Variants in BCAS3 observed in about 807,000 individuals in gnomAD.
The protein encoded by BCAS3 is BCAS3 microtubule associated cell migration factor.
BCAS3 carries 53 observed loss-of-function variants against 116.1 expected under a neutral mutation model. That is an observed-to-expected ratio of 0.46 (90% CI 0.37 to 0.57). The LOEUF is 0.57. Ranked by LOEUF, BCAS3 falls within the 20% of genes least tolerant of loss-of-function variation. The pLI is 0.00. For synonymous variants in BCAS3, 391 were observed against 408.2 expected (o/e 0.96, Z 0.51); for missense variants, 917 against 1,165.4 (o/e 0.79, Z 3.10).
chr17:60,732,643 A>G (rs948079244), intron 5 of BCAS3, among the ~76,000 whole-genome samples: 11 of 152,096 alleles, frequency 7.2e-5, no homozygotes, highest in African/African-American at 2.7e-4. Flanking sequence ...GATCAAGACC[A>G]TCCTGGCCAA....
rs1162942971 is a variant in BCAS3, at chr17:60,911,123, C to CTTTTTTTTTTTTTT, written c.993+425_993+438dup. Among the ~76,000 whole-genome samples the CTTTTTTTTTTTTTT allele has an allele frequency of 3.2e-3, 285 of 88,170 alleles. 10 individuals carry two copies. The highest frequency in any genetic ancestry group is 6.8e-3 in the African/African-American group (150 of 22,138). The allele number at this position is 88,170 out of a possible 152,430, so 57.8% of individuals were successfully genotyped here. A position where few individuals can be genotyped will look rare whatever the true frequency, so the allele number is the denominator to read the frequency against. On this transcript the variant is annotated intron_variant, in intron 12 of 23. Coordinates refer to ENST00000407086, the MANE Select transcript of BCAS3 (RefSeq NM_017679.5). ...AATAAATTTTTTTCTTTTTTTCTTTCTTTTTTTTTTTTTTTTTGAGATGGA... is the reference window on the plus strand; with the variant it reads ...AATAAATTTTTTTCTTTTTTTCTTTCTTTTTTTTTTTTTTTTTTTTTTTTTTTTTTTGAGATGGA...
chr17:61,278,430 C>T lies in BCAS3; in HGVS notation c.2426-89897C>T, dbSNP rs2050959713. 6.6e-6 allele frequency among the ~76,000 whole-genome samples: 1 copy of T among 152,194 alleles called. No individual in the cohort carries two copies. The highest frequency in any genetic ancestry group is 2.4e-5 in the African/African-American group (1 of 41,454). On this transcript the variant is annotated intron_variant, in intron 22 of 23. Transcript: ENST00000407086. The surrounding 1 kb of genome is among the most constrained non-coding windows in gnomAD (Gnocchi z 5.8). ...GCTCACATGATCCACCCACCTTGGC[C>T]TCCCACAGTGCTGGGTTTACAGGTG...
At position 60,962,885 on chromosome 17, in the gene BCAS3, C is replaced by T. The variant is rs912787601; in HGVS notation, c.1221+15533C>T. Among the ~76,000 whole-genome samples the T allele has an allele frequency of 1.3e-5, 2 of 152,152 alleles. No individual in the cohort carries two copies. The highest frequency in any genetic ancestry group is 2.9e-5 in the Non-Finnish European group (2 of 68,016). On this transcript the variant is annotated intron_variant, in intron 14 of 23. Coordinates refer to ENST00000407086, the MANE Select transcript of BCAS3 (RefSeq NM_017679.5). This position sits in a 1 kb window ranked among gnomAD's most constrained non-coding sequence, Gnocchi z 4.4. The stretch of plus-strand genomic sequence containing the variant: ...TTCATAGTTTGAGGTCTTAGATTTA[C>T]GTCTTTAATCGATTTTGATTTGATT...
At chr17:61,172,641 A>G (rs2078910326) in intron 22 of BCAS3, among the ~76,000 whole-genome samples, 1 of 150,588 alleles carries the variant, frequency 6.6e-6, no homozygotes, top group Non-Finnish European at 1.5e-5. Context: ...CGTCTCAAAA[A>G]ATAATAATGA....
intron 22 of BCAS3, among the ~76,000 whole-genome samples, chr17:61,125,984 C>G (rs1020062630): frequency 6.6e-6 from 1 of 152,188 alleles, no homozygotes; most frequent in South Asian, 2.1e-4. Context: ...TTAAAATTTA[C>G]GATTTCTTCT....
At position 60,990,368 on chromosome 17, in the gene BCAS3, T is replaced by G. The variant is rs2063447367; in HGVS notation, c.1486+133T>G. 1.1e-6 allele frequency: 1 copy of G among 932,052 alleles called. No homozygotes were observed. The highest frequency in any genetic ancestry group is 1.5e-6 in the Non-Finnish European group (1 of 650,286). The allele number at this position is 932,052 out of a possible 1,614,324, so 57.7% of individuals were successfully genotyped here. On this transcript the variant is annotated intron_variant, in intron 15 of 23. Transcript: ENST00000407086. The surrounding 1 kb of genome is among the most constrained non-coding windows in gnomAD (Gnocchi z 5.1). ...AAGATCTTAGGCTTATATGAAATTC[T>G]TAATTATTAAATAATTTAATAAATT...
chr17:60,810,369 G>T, intron 7 of BCAS3: 1 of 441,648 alleles, frequency 2.3e-6, no homozygotes, highest in Admixed American at 2.9e-5. Flanking sequence ...TGGGGATGGC[G>T]GGGGGTCTGG....
rs548221116 is a variant in BCAS3 at position 61,363,522 on chromosome 17, C to A, written c.2426-4805C>A. 6.6e-6 allele frequency among the ~76,000 whole-genome samples: 1 copy of A among 151,994 alleles called. No homozygotes were observed. The highest frequency in any genetic ancestry group is 6.5e-5 in the Admixed American group (1 of 15,270). Reference sequence around the variant, plus strand: ...TATACAATGGTGATCATTGTTGCTTCCCATAGTTTGGTGAAGTCACATAAG... The same window carrying A: ...TATACAATGGTGATCATTGTTGCTTACCATAGTTTGGTGAAGTCACATAAG... On this transcript the variant is annotated intron_variant, in intron 22 of 23. Coordinates refer to ENST00000407086, the MANE Select transcript of BCAS3 (RefSeq NM_017679.5). This position sits in a 1 kb window ranked among gnomAD's most constrained non-coding sequence, Gnocchi z 4.9.
intron 5 of BCAS3, among the ~76,000 whole-genome samples, chr17:60,722,206 AT>A (rs1331847761): frequency 6.6e-6 from 1 of 152,190 alleles, no homozygotes; most frequent in Non-Finnish European, 1.5e-5. Context: ...AAAAATGGTA[AT>A]TTTTGGTGTA....
At chr17:60,943,230 G>A (rs911754884) in intron 13 of BCAS3, among the ~76,000 whole-genome samples, 1 of 151,976 alleles carries the variant, frequency 6.6e-6, no homozygotes, top group Admixed American at 6.6e-5. Context: ...TAATAAATTG[G>A]TAGACCTAAG....
chr17:60,716,393 A>G (rs992815224), intron 5 of BCAS3, among the ~76,000 whole-genome samples: 1 of 152,228 alleles, frequency 6.6e-6, no homozygotes, highest in South Asian at 2.1e-4. Context: ...GGAACAATAA[A>G]CACTAAACAG....
At chr17:60,828,796 A>G (rs2050657097) in intron 7 of BCAS3, among the ~76,000 whole-genome samples, 1 of 152,092 alleles carries the variant, frequency 6.6e-6, no homozygotes, top group South Asian at 2.1e-4. Flanking sequence ...ATGGGTATCT[A>G]TTATGTGTCA....
At chr17:61,062,572 C>T (rs1019103654) in intron 19 of BCAS3, among the ~76,000 whole-genome samples, 3 of 152,030 alleles carry the variant, frequency 2.0e-5, no homozygotes, top group Admixed American at 1.3e-4. Flanking sequence ...TAGTAGAACA[C>T]ATTAAGTAGA....
intron 7 of BCAS3, chr17:60,811,072 G>A (rs1056095041): frequency 5.4e-5 from 34 of 634,942 alleles, no homozygotes; most frequent in African/African-American, 3.8e-4. Context: ...GAGACGTACA[G>A]TCCAGTTCTT....
chr17:60,700,266 T>C (rs1348560436), intron 4 of BCAS3, among the ~76,000 whole-genome samples: 1 of 152,018 alleles, frequency 6.6e-6, no homozygotes, highest in Non-Finnish European at 1.5e-5. Flanking sequence ...GTAGCTGTTG[T>C]AGCTTAGACA....
chr17:61,146,116 T>TG (rs1229116495), intron 22 of BCAS3, among the ~76,000 whole-genome samples: 6 of 150,964 alleles, frequency 4.0e-5, no homozygotes, highest in South Asian at 2.1e-4. Flanking sequence ...GTTTTTTGTT[T>TG]TTTTTTTTTT....
intron 14 of BCAS3, among the ~76,000 whole-genome samples, chr17:60,950,142 A>G (rs1029161649): frequency 5.3e-5 from 8 of 151,994 alleles, no homozygotes; most frequent in Non-Finnish European, 1.5e-5. Context: ...ATTATTAGAT[A>G]TTATATAGAT....
At position 61,326,372 on chromosome 17, in the gene BCAS3, G is replaced by C. The variant is rs747779044; in HGVS notation, c.2426-41955G>C. Among the ~76,000 whole-genome samples, 3 of 152,186 alleles carry C rather than the reference G, an allele frequency of 2.0e-5. No homozygotes were observed. The highest frequency in any genetic ancestry group is 1.3e-4 in the Admixed American group (2 of 15,286). ...CAGCACCTAAGCGGGACAATAGCCT[G>C]GGGTGACTGTGGGGTCTTGCTGCTC... On this transcript the variant is annotated intron_variant, in intron 22 of 23. Coordinates refer to ENST00000407086, the MANE Select transcript of BCAS3 (RefSeq NM_017679.5). This position sits in a 1 kb window ranked among gnomAD's most constrained non-coding sequence, Gnocchi z 5.3.
Position 61,116,000 on chromosome 17 carries a change from C to G in BCAS3, c.2425+31436C>G, listed in dbSNP as rs1038799271. On this transcript the variant is annotated intron_variant, in intron 22 of 23. Transcript: ENST00000407086. Reference sequence around the variant, plus strand: ...GTAAACTATCGCAAGAACAAAAAACCAAACACCGCATATTCTCACTCATAG... The same window carrying G: ...GTAAACTATCGCAAGAACAAAAAACGAAACACCGCATATTCTCACTCATAG... Among the ~76,000 whole-genome samples the G allele has an allele frequency of 2.0e-5, 3 of 147,938 alleles. No individual in the cohort carries two copies. In the Admixed American group the frequency reaches 2.1e-4, roughly 10 times the overall value.
Sources: gnomAD v4.1 joint callset for allele counts (sites outside exome capture counted in the v4.1 genomes callset) on GRCh38, gnomAD v4.1.1 for gene constraint, Gnocchi (gnomAD v3.1) non-coding constraint, MANE v1.5 for transcripts, NCBI Gene and HGNC (gene_info 2026-07-23, HGNC 2026-07-21) for gene names.